The following TMEM163 variants were observed in gnomAD, a reference collection of about 807,000 sequenced individuals.
TMEM163 encodes the protein transmembrane protein 163.
TMEM163 carries 17 observed loss-of-function variants against 29.3 expected under a neutral mutation model. That is an observed-to-expected ratio of 0.58 (90% CI 0.40 to 0.87). The LOEUF (loss-of-function observed/expected upper bound fraction) is 0.87. TMEM163 is among the 40% of genes least tolerant of loss of function. TMEM163 has a pLI of 0.00. For missense variants in TMEM163, 303 were observed against 381.5 expected (o/e 0.79, Z 1.71); for synonymous variants, 157 against 160.6 (o/e 0.98, Z 0.17).
At chr2:134,655,639 T>C (rs998418769) in intron 2 of TMEM163, among the ~76,000 whole-genome samples, 3 of 141,152 alleles carry the variant, frequency 2.1e-5, no homozygotes, top group Non-Finnish European at 3.0e-5. Flanking sequence ...TTTTAGAGTT[T>C]CCAGTTTTTC....
At position 134,613,140 on chromosome 2, in the gene TMEM163, G is replaced by A. The variant is rs542797553; in HGVS notation, c.323-61049C>T. On this transcript the variant is annotated intron_variant, in intron 2 of 7. Transcript: ENST00000281924. Reference sequence around the variant, plus strand: ...AACTGAAATGAAAATTCTACAGCAGGTGCTTAACACCAGATCTGAGCTGCC... The same window carrying A: ...AACTGAAATGAAAATTCTACAGCAGATGCTTAACACCAGATCTGAGCTGCC... 3.3e-5 allele frequency among the ~76,000 whole-genome samples: 5 copies of A among 152,234 alleles called. No individual in the cohort carries two copies. The East Asian group carries it at 7.7e-4, about 24-fold the overall frequency.
At chr2:134,556,358 C>A (rs547029957) in intron 2 of TMEM163, among the ~76,000 whole-genome samples, 1 of 152,030 alleles carries the variant, frequency 6.6e-6, no homozygotes, top group Non-Finnish European at 1.5e-5. Context: ...GATTTTAATG[C>A]GTAAGAAATG....
chr2:134,470,794 C>T (rs1023647641), intron 5 of TMEM163, among the ~76,000 whole-genome samples: 14 of 152,240 alleles, frequency 9.2e-5, no homozygotes, highest in Non-Finnish European at 1.6e-4. Context: ...CTGCGGTGCA[C>T]GTGCTCCTCT....
At chr2:134,486,529 G>A (rs1679317651) in intron 5 of TMEM163, among the ~76,000 whole-genome samples, 1 of 152,154 alleles carries the variant, frequency 6.6e-6, no homozygotes, top group Non-Finnish European at 1.5e-5. Flanking sequence ...CAAATCACAA[G>A]TAATATGAGC....
chr2:134,672,235 T>C (rs1574327995), intron 2 of TMEM163, among the ~76,000 whole-genome samples: 1 of 152,180 alleles, frequency 6.6e-6, no homozygotes, highest in Admixed American at 6.5e-5. Context: ...AATAAAAATA[T>C]GGAAAGTTCA....
chr2:134,705,895 C>A (rs2104895557), intron 2 of TMEM163, among the ~76,000 whole-genome samples: 1 of 152,308 alleles, frequency 6.6e-6, no homozygotes, highest in South Asian at 2.1e-4. Context: ...GACGAGGGAC[C>A]CTGAGCATGA....
intron 5 of TMEM163, among the ~76,000 whole-genome samples, chr2:134,489,066 C>CA (rs1679373514): frequency 6.6e-6 from 1 of 152,124 alleles, no homozygotes; most frequent in African/African-American, 2.4e-5. Context: ...GTCTACGATC[C>CA]AAAATCCATG....
intron 3 of TMEM163, among the ~76,000 whole-genome samples, chr2:134,551,624 G>A (rs1244652667): frequency 1.3e-5 from 2 of 152,124 alleles, no homozygotes; most frequent in Admixed American, 1.3e-4. Context: ...CTTCCATCAG[G>A]AGGCCAGCTG....
chr2:134,523,545 C>T (rs1341151061), intron 4 of TMEM163, among the ~76,000 whole-genome samples: 2 of 152,134 alleles, frequency 1.3e-5, no homozygotes, highest in Admixed American at 6.5e-5. Flanking sequence ...TCCTGTCTCT[C>T]CCCCAATCTC....
intron 2 of TMEM163, among the ~76,000 whole-genome samples, chr2:134,695,481 C>A (rs1684558981): frequency 1.3e-5 from 2 of 150,886 alleles, no homozygotes; most frequent in South Asian, 2.1e-4. Flanking sequence ...ATTATAAATC[C>A]CTAAGGAATT....
intron 4 of TMEM163, among the ~76,000 whole-genome samples, chr2:134,548,234 A>T (rs1321429193): frequency 6.6e-6 from 1 of 152,240 alleles, no homozygotes; most frequent in Non-Finnish European, 1.5e-5. Flanking sequence ...GCAAAAAAAA[A>T]ATTTAAGTTT....
At chr2:134,581,146 G>A (rs565113657) in intron 2 of TMEM163, among the ~76,000 whole-genome samples, 4 of 152,262 alleles carry the variant, frequency 2.6e-5, no homozygotes, top group African/African-American at 4.8e-5. Flanking sequence ...CAAATCCGAC[G>A]GAAAAGGATT....
At chr2:134,650,855 C>G (rs1381905672) in intron 2 of TMEM163, among the ~76,000 whole-genome samples, 2 of 135,222 alleles carry the variant, frequency 1.5e-5, no homozygotes, top group Non-Finnish European at 3.0e-5. Flanking sequence ...CATCCATGTC[C>G]CTACAAAGGA....
intron 4 of TMEM163, among the ~76,000 whole-genome samples, chr2:134,530,936 G>A (rs1210411197): frequency 6.6e-6 from 1 of 152,130 alleles, no homozygotes; most frequent in African/African-American, 2.4e-5. Flanking sequence ...ATCAAGCTTA[G>A]GATTCAAGGA....
intron 2 of TMEM163, among the ~76,000 whole-genome samples, chr2:134,650,181 A>G (rs1683437238): frequency 6.6e-6 from 1 of 152,058 alleles, no homozygotes; most frequent in Non-Finnish European, 1.5e-5. Context: ...ATGTATATGT[A>G]TGTGTATAAA....
chr2:134,562,563 T>C (rs1681205864), intron 2 of TMEM163, among the ~76,000 whole-genome samples: 1 of 152,242 alleles, frequency 6.6e-6, no homozygotes, highest in Non-Finnish European at 1.5e-5. Flanking sequence ...CTCTTTGGTT[T>C]GAAAAGTCGC....
chr2:134,698,834 T>C (rs1684633102), intron 2 of TMEM163, among the ~76,000 whole-genome samples: 1 of 152,222 alleles, frequency 6.6e-6, no homozygotes, highest in Non-Finnish European at 1.5e-5. Context: ...GAGAACATTG[T>C]AAAATGCACA....
chr2:134,545,144 T>C (rs1044303130), intron 4 of TMEM163, among the ~76,000 whole-genome samples: 2 of 152,052 alleles, frequency 1.3e-5, no homozygotes, highest in Admixed American at 1.3e-4. Flanking sequence ...AGCTTGGAGG[T>C]CACGACGTTA....
At chr2:134,527,708 G>A (rs512375) in intron 4 of TMEM163, among the ~76,000 whole-genome samples, 2 of 152,020 alleles carry the variant, frequency 1.3e-5, no homozygotes, top group Admixed American at 6.5e-5. Context: ...CCACAAACAC[G>A]GGCTGGGAAA....
Sources: gnomAD v4.1 joint callset for allele counts (sites outside exome capture counted in the v4.1 genomes callset) on GRCh38, gnomAD v4.1.1 for gene constraint, MANE v1.5 for transcripts, NCBI Gene and HGNC (gene_info 2026-07-23, HGNC 2026-07-21) for gene names.